The following TTC8 variants were observed in gnomAD, a reference collection of about 807,000 sequenced individuals.
The protein encoded by TTC8 is tetratricopeptide repeat protein 8.
A neutral mutation model predicts 72.5 loss-of-function variants in TTC8; 47 were observed. The ratio of observed to expected loss-of-function variants is 0.65; its 90% CI spans 0.51 to 0.83. The LOEUF (loss-of-function observed/expected upper bound fraction) is 0.83, where lower values mean the gene tolerates loss of function less well. TTC8 is among the 40% of genes least tolerant of loss of function. The pLI is 0.00. For missense variants in TTC8, 611 were observed against 623.2 expected (o/e 0.98, Z 0.21); for synonymous variants, 199 against 221.4 (o/e 0.90, Z 0.90).
In TTC8 at chr14:88,830,524, G is replaced by A. The variant is rs182775665; in HGVS notation, c.115-3169G>A. On this transcript the variant is annotated intron_variant, in intron 1 of 14. Coordinates refer to ENST00000380656, the MANE Select transcript of TTC8 (RefSeq NM_144596.4). ...AAAGTTGTGAAGTTTTCTTAAAAAT[G>A]CAAGGTTTTATTATTAGTCCTTAAG... Among the ~76,000 whole-genome samples the A allele has an allele frequency of 1.2e-4, 19 of 152,314 alleles. No homozygotes were observed. In the East Asian group the frequency reaches 3.3e-3, roughly 26 times the overall value.
At chr14:88,874,891 G>A (rs58791656) in intron 13 of TTC8, 135 bp from the exon 14 acceptor site, 21 of 588,444 alleles carry the variant, frequency 3.6e-5, no homozygotes, top group East Asian at 8.7e-5. Context: ...GAATGTTGTC[G>A]GTATTTATCA....
chr14:88,874,975 G>A lies in TTC8; in HGVS notation c.1348-51G>A, dbSNP rs539607915. 4 of 1,397,512 alleles carry A rather than the reference G, an allele frequency of 2.9e-6. No individual in the cohort carries two copies. In the East Asian group the frequency reaches 9.2e-5, roughly 32 times the overall value. The allele number at this position is 1,397,512 out of a possible 1,614,324, so 86.6% of individuals were successfully genotyped here. A position where few individuals can be genotyped will look rare whatever the true frequency, so the allele number is the denominator to read the frequency against. ...AAAAAAAAAACACAAATATGGTGCT[G>A]ATATATGTTCATACGCCTTTGGTTT... is the stretch of plus-strand genomic sequence containing the variant. On this transcript the variant is annotated intron_variant, in intron 13 of 14. Transcript: ENST00000380656.
chr14:88,850,162 G>T (rs566319586), intron 7 of TTC8, among the ~76,000 whole-genome samples: 4 of 152,248 alleles, frequency 2.6e-5, no homozygotes, highest in African/African-American at 9.6e-5. Flanking sequence ...ATATAGATCT[G>T]TCACTACTTA....
chr14:88,859,302 G>A (rs1389877606), intron 9 of TTC8, among the ~76,000 whole-genome samples: 2 of 152,094 alleles, frequency 1.3e-5, no homozygotes, highest in African/African-American at 4.8e-5. Context: ...TAATGAAAAT[G>A]TGGTACATAT....
chr14:88,867,037 T>C (rs1185375871), intron 10 of TTC8, among the ~76,000 whole-genome samples: 1 of 152,180 alleles, frequency 6.6e-6, no homozygotes, highest in Non-Finnish European at 1.5e-5. Flanking sequence ...CTCAATCAGA[T>C]CAGCAAAGAT....
chr14:88,857,420 C>A, intron 9 of TTC8, 143 bp downstream of exon 9: 20 of 754,122 alleles, frequency 2.7e-5, no homozygotes, highest in Admixed American at 1.1e-4. Context: ...TTCTTTACAG[C>A]AAGGGAAAAA....
intron 7 of TTC8, among the ~76,000 whole-genome samples, chr14:88,845,704 A>G (rs1325053992): frequency 2.0e-5 from 3 of 152,232 alleles, no homozygotes; most frequent in Non-Finnish European, 4.4e-5. Flanking sequence ...TCAAATTACT[A>G]GAGTATCATA....
intron 7 of TTC8, chr14:88,846,646 T>C (rs946815026): frequency 3.4e-6 from 5 of 1,463,744 alleles, no homozygotes; most frequent in Non-Finnish European, 4.6e-6. Flanking sequence ...CCCATTCTTA[T>C]TGAGGAATAA....
intron 10 of TTC8, among the ~76,000 whole-genome samples, chr14:88,867,112 T>C (rs1212838453): frequency 6.6e-6 from 1 of 152,250 alleles, no homozygotes; most frequent in Middle Eastern, 3.4e-3. Flanking sequence ...GTATGAACAT[T>C]TGGAAGTTGT....
At chr14:88,859,288 C>T (rs902675357) in intron 9 of TTC8, among the ~76,000 whole-genome samples, 1 of 151,704 alleles carries the variant, frequency 6.6e-6, no homozygotes, top group African/African-American at 2.4e-5. Context: ...AGTGGTAGAC[C>T]GGATAATGAA....
At chr14:88,847,679 G>A (rs2094813768) in intron 7 of TTC8, among the ~76,000 whole-genome samples, 1 of 152,026 alleles carries the variant, frequency 6.6e-6, no homozygotes, top group African/African-American at 2.4e-5. Context: ...TTGGATTTGT[G>A]AAACAATCAC....
intron 9 of TTC8, among the ~76,000 whole-genome samples, chr14:88,858,754 ATTTTTTTTTTTTT>A (rs138871136): frequency 2.3e-5 from 2 of 86,910 alleles, no homozygotes; most frequent in African/African-American, 1.1e-4. Flanking sequence ...TGCCTGGATA[ATTTTTTTTTTTTT>A]TTTTTTTTTT....
intron 1 of TTC8, among the ~76,000 whole-genome samples, chr14:88,831,939 G>A (rs539542390): frequency 6.6e-6 from 1 of 152,100 alleles, no homozygotes; most frequent in Non-Finnish European, 1.5e-5. Flanking sequence ...TGTGAGTATA[G>A]TATTTGACAC....
At chr14:88,830,244 C>A (rs1053717250) in intron 1 of TTC8, among the ~76,000 whole-genome samples, 1 of 152,064 alleles carries the variant, frequency 6.6e-6, no homozygotes, top group Non-Finnish European at 1.5e-5. Context: ...AAATGCTGAA[C>A]CCTAGGGTGG....
chr14:88,837,340 C>T (rs1053640102), intron 2 of TTC8, among the ~76,000 whole-genome samples: 3 of 152,154 alleles, frequency 2.0e-5, no homozygotes, highest in African/African-American at 7.2e-5. Context: ...TCACTTCTAC[C>T]CTTCCTTCCA....
In TTC8 at chr14:88,869,578, T is replaced by C. The variant is rs1446087218; in HGVS notation, c.910-481T>C. Among the ~76,000 whole-genome samples the C allele has an allele frequency of 3.3e-5, 5 of 152,268 alleles. No individual in the cohort carries two copies. The East Asian group carries it at 7.7e-4, about 24-fold the overall frequency. On this transcript the variant is annotated intron_variant, in intron 10 of 14. Coordinates refer to ENST00000380656, the MANE Select transcript of TTC8 (RefSeq NM_144596.4). ...TCATCTCCTTTTGTGCCACTTTCCC[T>C]CTTCCCAGCCTCATTTACCTTCGTG...
At chr14:88,843,763 A>G in intron 6 of TTC8, 43 bp from the exon 7 acceptor site, 1 of 1,486,874 alleles carries the variant, frequency 6.7e-7, no homozygotes. Flanking sequence ...CAGCAAATTA[A>G]AAAAAAAAAT....
At chr14:88,830,660 A>G (rs1396945945) in intron 1 of TTC8, among the ~76,000 whole-genome samples, 1 of 152,178 alleles carries the variant, frequency 6.6e-6, no homozygotes, top group Non-Finnish European at 1.5e-5. Context: ...AGCCTAGCCC[A>G]CGTCTTCTGA....
At chr14:88,824,612 C>G (rs779688060), upstream of TTC8, 24 of 995,332 alleles carry the variant, frequency 2.4e-5, no homozygotes, top group Middle Eastern at 3.0e-4. Flanking sequence ...CCCCAGCCGT[C>G]GCGGGTTGCC....
Sources: allele counts gnomAD v4.1 joint callset (sites outside exome capture counted in the v4.1 genomes callset), GRCh38; gene constraint gnomAD v4.1.1; transcripts MANE v1.5; gene names NCBI Gene and HGNC (gene_info 2026-07-23, HGNC 2026-07-21).